NPAS3: variants seen among roughly 807,000 people sequenced by gnomAD.
NPAS3 encodes neuronal PAS domain-containing protein 3.
In NPAS3, 14 loss-of-function variants were observed where a neutral mutation model predicts 73.1. That is an observed-to-expected ratio of 0.19 (90% confidence interval 0.13 to 0.30). The LOEUF (loss-of-function observed/expected upper bound fraction) is 0.30. NPAS3 is among the 10% of genes least tolerant of loss of function. NPAS3 has a pLI of 1.00. For missense variants in NPAS3, 1,096 were observed against 1,250.0 expected, an observed-to-expected ratio of 0.88 and a Z score of 1.86; for synonymous variants, 620 against 541.5, an observed-to-expected ratio of 1.14 and a Z score of -2.01.
chr14:33,632,001 G>A (rs769198511), intron 5 of NPAS3, among the ~76,000 whole-genome samples: 3 of 152,114 alleles, frequency 2.0e-5, no homozygotes, highest in Non-Finnish European at 2.9e-5. Flanking sequence ...TGAATCTGTC[G>A]AATATGATCT....
chr14:33,577,421 C>T (rs1410936124), intron 5 of NPAS3, among the ~76,000 whole-genome samples: 3 of 152,132 alleles, frequency 2.0e-5, no homozygotes, highest in Middle Eastern at 3.2e-3. Flanking sequence ...CAGCCCATCA[C>T]GGACTCTATG....
intron 4 of NPAS3, among the ~76,000 whole-genome samples, chr14:33,458,115 G>A (rs1203720544): frequency 6.6e-6 from 1 of 152,150 alleles, no homozygotes; most frequent in Admixed American, 6.5e-5. Flanking sequence ...TGGCCTGCCC[G>A]GTTGTCCAAA....
intron 2 of NPAS3, among the ~76,000 whole-genome samples, chr14:33,202,830 C>T (rs1158092293): frequency 6.6e-6 from 1 of 151,286 alleles, no homozygotes; most frequent in East Asian, 1.9e-4. Flanking sequence ...GTGATATTTT[C>T]CCTTTTACTG....
At chr14:33,432,046 A>G (rs1433800057) in intron 4 of NPAS3, among the ~76,000 whole-genome samples, 2 of 152,206 alleles carry the variant, frequency 1.3e-5, no homozygotes, top group African/African-American at 4.8e-5. Flanking sequence ...AAAAACATTA[A>G]TAGAAATGAG....
chr14:33,168,560 T>TTC (rs2139361650), intron 2 of NPAS3, among the ~76,000 whole-genome samples: 1 of 152,338 alleles, frequency 6.6e-6, no homozygotes, highest in South Asian at 2.1e-4. Context: ...AAAGATCTTG[T>TTC]GTGATAGCTC....
rs58796486 is a variant in NPAS3 at position 33,363,307 on chromosome 14, T to G, written c.386-3879T>G. Among the ~76,000 whole-genome samples, 1,417 of 152,314 alleles carry G rather than the reference T, an allele frequency of 9.3e-3. 19 individuals are homozygous for G. The highest frequency in any genetic ancestry group is 0.032 in the African/African-American group (1,316 of 41,584). On this transcript the variant is annotated intron_variant, in intron 3 of 11. Coordinates refer to ENST00000356141, the Ensembl canonical transcript of NPAS3. ...ATTCTCAGAGACCACCGTGTGAGGT[T>G]ATGCTGAAGGATCCAGATTAGAACT...
intron 3 of NPAS3, among the ~76,000 whole-genome samples, chr14:33,366,501 C>T (rs1468700300): frequency 6.6e-6 from 1 of 152,032 alleles, no homozygotes; most frequent in African/African-American, 2.4e-5. Flanking sequence ...CAGGAGTGTT[C>T]GGGAACTCCA....
chr14:33,122,655 T>A (rs977159609), intron 2 of NPAS3, among the ~76,000 whole-genome samples: 1 of 152,112 alleles, frequency 6.6e-6, no homozygotes, highest in African/African-American at 2.4e-5. Context: ...CAAACTTATT[T>A]TTTTACTTCA....
chr14:33,052,942 A>G (rs1327284182), intron 1 of NPAS3, among the ~76,000 whole-genome samples: 1 of 152,170 alleles, frequency 6.6e-6, no homozygotes, highest in East Asian at 1.9e-4. Flanking sequence ...GTGACTTCCT[A>G]AGCTTGTCAT....
At chr14:33,602,482 G>A (rs555132354) in intron 5 of NPAS3, among the ~76,000 whole-genome samples, 59 of 152,330 alleles carry the variant, frequency 3.9e-4, no homozygotes, top group Non-Finnish European at 7.8e-4. Context: ...TCAAGCACTA[G>A]GAACGATACT....
rs201414478 is a variant in NPAS3, at chr14:33,302,912, T to TC, written c.386-64274_386-64273insC. On this transcript the variant is annotated intron_variant, in intron 3 of 11. Transcript: ENST00000356141. ...GGAAGTGCCTATAAGCCTCTCTCTC[T>TC]TTTTTTTTTTTAATGCCCCTATATA... 4.2e-3 allele frequency among the ~76,000 whole-genome samples: 536 copies of TC among 129,108 alleles called. 13 individuals are homozygous for TC. In the East Asian group the frequency reaches 0.077, roughly 18 times the overall value. 84.7% of individuals were successfully genotyped at this position (129,108 alleles called of 152,430 possible).
At chr14:33,360,631 C>T (rs919136791) in intron 3 of NPAS3, among the ~76,000 whole-genome samples, 5 of 152,000 alleles carry the variant, frequency 3.3e-5, no homozygotes, top group East Asian at 1.9e-4. Context: ...TAAAGTCCCA[C>T]CCCCCAAAAA....
intron 6 of NPAS3, among the ~76,000 whole-genome samples, chr14:33,697,700 G>C (rs2060421815): frequency 6.6e-6 from 1 of 152,180 alleles, no homozygotes; most frequent in African/African-American, 2.4e-5. Flanking sequence ...TCTGCTGACT[G>C]TCTAAAGCTT....
chr14:33,299,597 T>TTTTA (rs75624272), intron 3 of NPAS3, among the ~76,000 whole-genome samples: 1 of 151,524 alleles, frequency 6.6e-6, no homozygotes, highest in Non-Finnish European at 1.5e-5. Flanking sequence ...AGCTAGTTTC[T>TTTTA]TTTTTTTGTG....
At chr14:33,346,530 A>G (rs1399604972) in intron 3 of NPAS3, among the ~76,000 whole-genome samples, 1 of 150,098 alleles carries the variant, frequency 6.7e-6, no homozygotes, top group African/African-American at 2.4e-5. Context: ...CCTGTCTCAA[A>G]AAAAAAAAAA....
At chr14:33,187,452 A>C (rs2046018790) in intron 2 of NPAS3, among the ~76,000 whole-genome samples, 2 of 152,158 alleles carry the variant, frequency 1.3e-5, no homozygotes, top group Admixed American at 1.3e-4. Flanking sequence ...CCTGCTCCAG[A>C]GTAATCTTCT....
intron 3 of NPAS3, among the ~76,000 whole-genome samples, chr14:33,239,500 G>T (rs1414704861): frequency 6.6e-6 from 1 of 151,786 alleles, no homozygotes; most frequent in Non-Finnish European, 1.5e-5. Context: ...ACTCACAGTG[G>T]CCTGTGGGGT....
intron 3 of NPAS3, among the ~76,000 whole-genome samples, chr14:33,318,251 A>G (rs2043288362): frequency 6.6e-6 from 1 of 152,130 alleles, no homozygotes; most frequent in South Asian, 2.1e-4. Flanking sequence ...CACAAAAGAC[A>G]AGTACTATAT....
chr14:32,967,083 A>G (rs2037205812), intron 1 of NPAS3, among the ~76,000 whole-genome samples: 2 of 152,086 alleles, frequency 1.3e-5, no homozygotes, highest in Admixed American at 1.3e-4. Flanking sequence ...ATGGATTTGA[A>G]CTGCACAGGC....
Sources: gnomAD v4.1 joint callset for allele counts (sites outside exome capture counted in the v4.1 genomes callset) on GRCh38, gnomAD v4.1.1 for gene constraint, MANE v1.5 for transcripts, NCBI Gene and HGNC (gene_info 2026-07-23, HGNC 2026-07-21) for gene names.